FHIT: variants seen among roughly 807,000 people sequenced by gnomAD.
The protein encoded by FHIT is fragile histidine triad diadenosine triphosphatase.
FHIT carries 19 observed loss-of-function variants against 17.9 expected under a neutral mutation model. The observed-to-expected ratio is 1.06, with a 90% CI of 0.74 to 1.56. The LOEUF (loss-of-function observed/expected upper bound fraction) is 1.56. Ranked by LOEUF, FHIT falls within the 40% of genes most tolerant of loss-of-function variation. The pLI is 0.00. For missense variants in FHIT, 248 were observed against 189.2 expected (o/e 1.31, Z -1.82); for synonymous variants, 81 against 69.7 (o/e 1.16, Z -0.81).
intron 4 of FHIT, among the ~76,000 whole-genome samples, chr3:60,699,803 ATC>A (rs2041199774): frequency 6.6e-6 from 1 of 151,940 alleles, no homozygotes; most frequent in African/African-American, 2.4e-5. Flanking sequence ...AATGAGAAAA[ATC>A]ATTTTAATTT....
At chr3:60,990,063 C>T (rs942155580) in intron 3 of FHIT, among the ~76,000 whole-genome samples, 2 of 152,250 alleles carry the variant, frequency 1.3e-5, no homozygotes, top group Admixed American at 6.5e-5. Context: ...CAGGGTACAA[C>T]AGTCCCAGCC....
chr3:59,751,538 T>G (rs1251179979), intron 9 of FHIT: 1 of 216,254 alleles, frequency 4.6e-6, no homozygotes, highest in Non-Finnish European at 9.3e-6. Flanking sequence ...AGACACTGCA[T>G]AAAAATTTGG....
At chr3:59,751,737 G>C (rs1700915711) in intron 9 of FHIT, 1 of 232,962 alleles carries the variant, frequency 4.3e-6, no homozygotes. Flanking sequence ...TTACCAAATA[G>C]CAACTGAAGA....
chr3:60,020,691 A>G (rs1374737690), intron 5 of FHIT, among the ~76,000 whole-genome samples: 1 of 152,228 alleles, frequency 6.6e-6, no homozygotes, highest in Non-Finnish European at 1.5e-5. Context: ...TTGCTCTAAC[A>G]AACACTCCTA....
intron 8 of FHIT, among the ~76,000 whole-genome samples, chr3:59,784,155 T>A (rs1412744565): frequency 6.6e-6 from 1 of 152,214 alleles, no homozygotes; most frequent in Non-Finnish European, 1.5e-5. Context: ...AGAAAACATT[T>A]TTGAGCACCT....
intron 4 of FHIT, among the ~76,000 whole-genome samples, chr3:60,644,061 G>A (rs1161700887): frequency 6.6e-6 from 1 of 152,140 alleles, no homozygotes; most frequent in Non-Finnish European, 1.5e-5. Context: ...CTTGGCAAAG[G>A]GAAATGTGTT....
intron 4 of FHIT, among the ~76,000 whole-genome samples, chr3:60,713,047 C>T (rs1326971330): frequency 4.6e-5 from 7 of 152,010 alleles, no homozygotes; most frequent in South Asian, 2.1e-4. Context: ...CCTCAACAAA[C>T]GTAAAAGAAG....
intron 3 of FHIT, among the ~76,000 whole-genome samples, chr3:60,891,116 A>AAC (rs1553760573): frequency 1.3e-5 from 2 of 152,152 alleles, no homozygotes; most frequent in African/African-American, 2.4e-5. Context: ...ACAGTCCTAG[A>AAC]AGACCTTCCT....
intron 4 of FHIT, among the ~76,000 whole-genome samples, chr3:60,665,831 T>C (rs960263858): frequency 1.3e-5 from 2 of 152,128 alleles, no homozygotes; most frequent in Non-Finnish European, 2.9e-5. Flanking sequence ...TCTATTTGAT[T>C]CCTCTGGTTC....
intron 3 of FHIT, among the ~76,000 whole-genome samples, chr3:60,900,380 A>T (rs782289045): frequency 6.6e-6 from 1 of 152,020 alleles, no homozygotes; most frequent in Non-Finnish European, 1.5e-5. Flanking sequence ...CACTATGATT[A>T]TACCTGTGAA....
rs968125698 is a variant in FHIT at position 61,073,665 on chromosome 3, C to T, written c.-163-31566G>A. 2.8e-4 allele frequency among the ~76,000 whole-genome samples: 42 copies of T among 152,284 alleles called. 2 individuals carry two copies. The highest frequency in any genetic ancestry group is 9.4e-4 in the African/African-American group (39 of 41,554). ...TTTAGGAGTTGGGTTTGTGCATTTTCCTTTTATAACTATTGCTAGCCATCC... is the reference window on the plus strand; with the variant it reads ...TTTAGGAGTTGGGTTTGTGCATTTTTCTTTTATAACTATTGCTAGCCATCC... On this transcript the variant is annotated intron_variant, in intron 2 of 9. Coordinates refer to ENST00000492590, the MANE Select transcript of FHIT (RefSeq NM_002012.4).
chr3:60,654,291 A>T (rs1182671733), intron 4 of FHIT, among the ~76,000 whole-genome samples: 1 of 152,162 alleles, frequency 6.6e-6, no homozygotes, highest in East Asian at 1.9e-4. Context: ...ACCCTTTCTT[A>T]GGAAGTTAAT....
At chr3:60,843,729 G>A (rs1243585268) in intron 3 of FHIT, among the ~76,000 whole-genome samples, 1 of 152,168 alleles carries the variant, frequency 6.6e-6, no homozygotes, top group Non-Finnish European at 1.5e-5. Flanking sequence ...ATGAAGGAAA[G>A]CCTATCATGA....
chr3:59,779,253 A>G (rs1702464738), intron 8 of FHIT, among the ~76,000 whole-genome samples: 1 of 152,156 alleles, frequency 6.6e-6, no homozygotes, highest in Non-Finnish European at 1.5e-5. Context: ...GCTTTTGGAA[A>G]CCACTGTGAT....
chr3:60,598,681 A>G (rs1325332317), intron 4 of FHIT, among the ~76,000 whole-genome samples: 1 of 152,214 alleles, frequency 6.6e-6, no homozygotes, highest in Non-Finnish European at 1.5e-5. Context: ...CTTTGCTTAC[A>G]GATTGCAGAA....
At chr3:60,818,872 A>G (rs1553738432) in intron 4 of FHIT, among the ~76,000 whole-genome samples, 1 of 152,188 alleles carries the variant, frequency 6.6e-6, no homozygotes, top group African/African-American at 2.4e-5. Flanking sequence ...CCGAAATGAC[A>G]TTAATTTTAG....
chr3:60,345,373 A>G (rs1319293303), intron 5 of FHIT, among the ~76,000 whole-genome samples: 2 of 152,124 alleles, frequency 1.3e-5, no homozygotes, highest in African/African-American at 4.8e-5. Flanking sequence ...AAGGAATCTC[A>G]TAGCCAGGAA....
intron 3 of FHIT, among the ~76,000 whole-genome samples, chr3:60,879,059 T>C (rs551351801): frequency 0.013 from 2,013 of 152,264 alleles, 50 homozygotes; most frequent in African/African-American, 0.045. Flanking sequence ...CCTGAGGAAT[T>C]GCCACACTGA....
intron 8 of FHIT, among the ~76,000 whole-genome samples, chr3:59,920,038 G>A (rs1317453294): frequency 6.6e-6 from 1 of 152,222 alleles, no homozygotes; most frequent in Admixed American, 6.5e-5. Context: ...CTCACCCTTG[G>A]AAAGAATGGT....
Sources: gnomAD v4.1 joint callset for allele counts (sites outside exome capture counted in the v4.1 genomes callset) on GRCh38, gnomAD v4.1.1 for gene constraint, MANE v1.5 for transcripts, NCBI Gene and HGNC (gene_info 2026-07-23, HGNC 2026-07-21) for gene names.